Variants in RSU1 observed in about 807,000 individuals in gnomAD.
RSU1 encodes the protein Ras suppressor protein 1.
RSU1 carries 26 observed loss-of-function variants against 31.1 expected under a neutral mutation model. That is an observed-to-expected ratio of 0.84 (90% CI 0.61 to 1.16). The LOEUF is 1.16. Ranked by LOEUF, RSU1 falls within the 50% of genes most tolerant of loss-of-function variation. The pLI is 0.00. For missense variants in RSU1, 320 were observed against 339.1 expected, an observed-to-expected ratio of 0.94 and a Z score of 0.44; for synonymous variants, 164 against 136.3, an observed-to-expected ratio of 1.20 and a Z score of -1.41.
intron 8 of RSU1, among the ~76,000 whole-genome samples, chr10:16,605,541 C>T (rs1049378294): frequency 6.6e-6 from 1 of 152,168 alleles, no homozygotes; most frequent in Non-Finnish European, 1.5e-5. Flanking sequence ...TTCTCCAGTG[C>T]CTGGTGCCTC....
At chr10:16,665,708 A>T (rs1229618744) in intron 8 of RSU1, among the ~76,000 whole-genome samples, 1 of 152,200 alleles carries the variant, frequency 6.6e-6, no homozygotes, top group Non-Finnish European at 1.5e-5. Context: ...ATATCTTCTA[A>T]ACCTATGTAA....
At chr10:16,653,016 C>CAGAAAAATATACAAGGGAGAGCT (rs1834714493) in intron 8 of RSU1, among the ~76,000 whole-genome samples, 2 of 151,760 alleles carry the variant, frequency 1.3e-5, no homozygotes, top group African/African-American at 4.8e-5. Context: ...ACATAGAGAA[C>CAGAAAAATATACAAGGGAGAGCT]AGAAAAATAT....
chr10:16,798,196 A>T (rs80317332), intron 2 of RSU1, among the ~76,000 whole-genome samples: 2,746 of 152,208 alleles, frequency 0.018, 77 homozygotes, highest in East Asian at 0.083. Flanking sequence ...ATCTGGGCAA[A>T]AGTGACAAAT....
intron 8 of RSU1, among the ~76,000 whole-genome samples, chr10:16,674,399 GTTTTTT>G (rs79255856): frequency 7.1e-6 from 1 of 139,952 alleles, no homozygotes; most frequent in African/African-American, 2.6e-5. Context: ...GTCACGGAAG[GTTTTTT>G]TTTTTTTTTT....
In RSU1 at chr10:16,726,040, T is replaced by C. The variant is rs369247102; in HGVS notation, c.598+26499A>G. The stretch of plus-strand genomic sequence containing the variant: ...ATGCACGTATATATGTGTATATACA[T>C]ATAAAACTTCTCAATATTGTCAATA... On this transcript the variant is annotated intron_variant, in intron 7 of 8. Coordinates refer to ENST00000345264, the MANE Select transcript of RSU1 (RefSeq NM_012425.4). Among the ~76,000 whole-genome samples, 59 of 151,922 alleles carry C rather than the reference T, an allele frequency of 3.9e-4. No homozygotes were observed. In the East Asian group the frequency reaches 8.5e-3, roughly 22 times the overall value.
At chr10:16,666,992 C>A (rs1048372225) in intron 8 of RSU1, among the ~76,000 whole-genome samples, 1 of 150,462 alleles carries the variant, frequency 6.6e-6, no homozygotes, top group African/African-American at 2.5e-5. Context: ...GAGTGAGACT[C>A]CGCATCAAAA....
intron 7 of RSU1, among the ~76,000 whole-genome samples, chr10:16,725,135 G>A (rs1016149813): frequency 6.6e-6 from 1 of 152,150 alleles, no homozygotes; most frequent in Non-Finnish European, 1.5e-5. Context: ...TGAACTATAA[G>A]CTTATGTTAT....
intron 2 of RSU1, among the ~76,000 whole-genome samples, chr10:16,796,214 T>C (rs1838029000): frequency 6.6e-6 from 1 of 152,140 alleles, no homozygotes; most frequent in Non-Finnish European, 1.5e-5. Context: ...GGATTTTGAT[T>C]CTCTCCCCAC....
At chr10:16,753,080 C>T (rs1837013135) in intron 5 of RSU1, 80 bp from the exon 6 acceptor site, 1 of 1,065,236 alleles carries the variant, frequency 9.4e-7, no homozygotes, top group African/African-American at 1.6e-5. Flanking sequence ...AGGGAGTCAG[C>T]TTTGATTAAT....
chr10:16,683,982 T>C (rs530636352), intron 8 of RSU1, among the ~76,000 whole-genome samples: 4 of 152,324 alleles, frequency 2.6e-5, no homozygotes, highest in African/African-American at 9.6e-5. Flanking sequence ...CAGGTTAAGA[T>C]AAAAGATTGT....
At chr10:16,674,449 G>T (rs1489320268) in intron 8 of RSU1, among the ~76,000 whole-genome samples, 2 of 150,672 alleles carry the variant, frequency 1.3e-5, no homozygotes, top group Non-Finnish European at 2.9e-5. Context: ...TACACTGCAG[G>T]TGACAAAGTA....
At chr10:16,609,580 C>T (rs533586018) in intron 8 of RSU1, among the ~76,000 whole-genome samples, 15 of 152,332 alleles carry the variant, frequency 9.8e-5, no homozygotes, top group Admixed American at 5.9e-4. Context: ...TCCCGGGCCC[C>T]GTACGACGAC....
At chr10:16,647,264 G>A (rs1387061827) in intron 8 of RSU1, among the ~76,000 whole-genome samples, 2 of 152,140 alleles carry the variant, frequency 1.3e-5, no homozygotes, top group African/African-American at 2.4e-5. Flanking sequence ...GAGCCACCGC[G>A]CCCAGCCCGT....
intron 8 of RSU1, among the ~76,000 whole-genome samples, chr10:16,633,921 C>T (rs7071754): frequency 0.051 from 7,704 of 152,226 alleles, 473 homozygotes; most frequent in African/African-American, 0.15. Flanking sequence ...CCACCTGGTT[C>T]GGAGCTATCT....
chr10:16,673,856 G>A (rs529430236), intron 8 of RSU1, among the ~76,000 whole-genome samples: 44 of 152,126 alleles, frequency 2.9e-4, no homozygotes, highest in Non-Finnish European at 5.6e-4. Flanking sequence ...AACGTAACCC[G>A]CACATATTTT....
intron 8 of RSU1, among the ~76,000 whole-genome samples, chr10:16,667,441 G>T (rs2131533389): frequency 6.6e-6 from 1 of 151,590 alleles, no homozygotes; most frequent in Admixed American, 6.6e-5. Context: ...TTAGTACTAG[G>T]GTACAATTAA....
chr10:16,696,080 A>C (rs1835668913), intron 7 of RSU1, among the ~76,000 whole-genome samples: 1 of 152,202 alleles, frequency 6.6e-6, no homozygotes. Flanking sequence ...TATGAAAGCA[A>C]GAAGCAGAGA....
chr10:16,783,180 G>C lies in RSU1; in HGVS notation c.110-1096C>G, dbSNP rs149437975. On this transcript the variant is annotated intron_variant, in intron 2 of 8. Transcript: ENST00000345264. The stretch of plus-strand genomic sequence containing the variant: ...CCCACCTTAGCCTCCCAAAGTGCTG[G>C]GATTACAGGCATCAGCCACTGTGTC... Among the ~76,000 whole-genome samples, 418 of 152,066 alleles carry C rather than the reference G, an allele frequency of 2.7e-3. 3 individuals are homozygous for C. The highest frequency in any genetic ancestry group is 9.7e-3 in the African/African-American group (404 of 41,488).
At chr10:16,604,872 CATGGGAGCTCAA>C (rs1437672444) in intron 8 of RSU1, among the ~76,000 whole-genome samples, 1 of 152,148 alleles carries the variant, frequency 6.6e-6, no homozygotes, top group Admixed American at 6.5e-5. Context: ...ACAGGCCTCA[CATGGGAGCTCAA>C]ACCGCGTGGG....
Sources: allele counts gnomAD v4.1 joint callset (sites outside exome capture counted in the v4.1 genomes callset), GRCh38; gene constraint gnomAD v4.1.1; transcripts MANE v1.5; gene names NCBI Gene and HGNC (gene_info 2026-07-23, HGNC 2026-07-21).